RFX7: variants seen among roughly 807,000 people sequenced by gnomAD.
RFX7 encodes the protein DNA-binding protein RFX7.
In RFX7, 26 loss-of-function variants were observed where a neutral mutation model predicts 111.8. That is an observed-to-expected ratio of 0.23 (90% CI 0.17 to 0.32). The LOEUF (loss-of-function observed/expected upper bound fraction) is 0.32, where lower values mean the gene tolerates loss of function less well. RFX7 is among the 10% of genes least tolerant of loss of function. The probability of loss-of-function intolerance (pLI) is 1.00; values close to 1 mark genes in which losing one functional copy is unlikely to be tolerated. For missense variants in RFX7, 1,573 were observed against 1,772.9 expected, an observed-to-expected ratio of 0.89 and a Z score of 2.02; for synonymous variants, 624 against 624.4, an observed-to-expected ratio of 1.00 and a Z score of 0.01.
Position 56,103,058 on chromosome 15 carries a change from T to C in RFX7, c.518+496A>G, listed in dbSNP as rs148624136. Among the ~76,000 whole-genome samples, 476 of 152,104 alleles carry C rather than the reference T, an allele frequency of 3.1e-3. 6 individuals carry two copies. The highest frequency in any genetic ancestry group is 0.02 in the South Asian group (95 of 4,818). ...TTCTGTACTCTGGCTTTAATTTTAA[T>C]ATGGGCTTTAAATGGATGGCTGAAA... On this transcript the variant is annotated intron_variant, in intron 6 of 9. Coordinates refer to ENST00000559447, the MANE Select transcript of RFX7 (RefSeq NM_022841.7).
intron 5 of RFX7, among the ~76,000 whole-genome samples, chr15:56,136,101 T>A (rs1567021945): frequency 6.6e-6 from 1 of 152,178 alleles, no homozygotes; most frequent in Admixed American, 6.5e-5. Flanking sequence ...CGATGCGGGC[T>A]CTTTTTTGGT....
At chr15:56,150,031 T>A (rs2042546376) in intron 3 of RFX7, among the ~76,000 whole-genome samples, 1 of 128,428 alleles carries the variant, frequency 7.8e-6, no homozygotes, top group Middle Eastern at 3.4e-3. Flanking sequence ...GGTCGGGGGG[T>A]TGCGGGGTGG....
intron 3 of RFX7, among the ~76,000 whole-genome samples, chr15:56,176,031 A>G: frequency 6.6e-6 from 1 of 152,170 alleles, no homozygotes; most frequent in South Asian, 2.1e-4. Context: ...CATGGTTAAA[A>G]TAGTAGTGTT....
intron 5 of RFX7, among the ~76,000 whole-genome samples, chr15:56,117,711 G>C (rs926019654): frequency 2.0e-5 from 3 of 152,044 alleles, no homozygotes; most frequent in Non-Finnish European, 4.4e-5. Context: ...CCACATATGA[G>C]TGAGAGCATG....
chr15:56,090,742 G>A lies in RFX7; in HGVS notation c.*2603C>T, dbSNP rs2041586490. 1 of 152,522 alleles carries A rather than the reference G, an allele frequency of 6.6e-6. No individual in the cohort carries two copies. 9.4% of individuals were successfully genotyped at this position (152,522 alleles called of 1,614,324 possible). On this transcript the variant is annotated 3_prime_UTR_variant, in exon 10 of 10. Transcript: ENST00000559447. ...AGGGCTTGTTTTTGTCATTTATCGTGTAGTAAAGCACATTATAGTACAAGA... is the reference window on the plus strand; with the variant it reads ...AGGGCTTGTTTTTGTCATTTATCGTATAGTAAAGCACATTATAGTACAAGA...
intron 2 of RFX7, among the ~76,000 whole-genome samples, chr15:56,222,631 T>C (rs945862125): frequency 2.6e-5 from 4 of 152,196 alleles, no homozygotes; most frequent in Non-Finnish European, 5.9e-5. Context: ...TTTCAGATAT[T>C]ACATTTTTTG....
At chr15:56,105,429 T>C (rs1030542024) in intron 5 of RFX7, among the ~76,000 whole-genome samples, 2 of 152,210 alleles carry the variant, frequency 1.3e-5, no homozygotes, top group African/African-American at 4.8e-5. Context: ...AGTAAGACCA[T>C]CTGTATTTAA....
At chr15:56,125,610 AGTGTGTGTGTGT>A (rs10564650) in intron 5 of RFX7, among the ~76,000 whole-genome samples, 158 of 147,044 alleles carry the variant, frequency 1.1e-3, no homozygotes, top group African/African-American at 2.3e-3. Flanking sequence ...TGTGTGTGTG[AGTGTGTGTGTGT>A]GTGTGTGTGT....
At chr15:56,188,902 G>A (rs935963621) in intron 2 of RFX7, among the ~76,000 whole-genome samples, 3 of 151,948 alleles carry the variant, frequency 2.0e-5, no homozygotes, top group South Asian at 4.1e-4. Flanking sequence ...GTGCGATCTC[G>A]GCTCACTGCA....
intron 5 of RFX7, among the ~76,000 whole-genome samples, chr15:56,132,234 T>C (rs1410416851): frequency 6.6e-6 from 1 of 151,972 alleles, no homozygotes; most frequent in African/African-American, 2.4e-5. Context: ...CGCAACTTCC[T>C]ATAAAAAAAA....
rs535912131 is a variant in RFX7, at chr15:56,216,022, C to T, written c.161+27103G>A. Among the ~76,000 whole-genome samples the T allele has an allele frequency of 2.6e-5, 4 of 152,284 alleles. No homozygotes were observed. In the East Asian group the frequency reaches 7.7e-4, roughly 29 times the overall value. ...ACAATTCAAGAGAGTGAAAATGGAG[C>T]TGCAGTGCCTTTTATGAACTATGTT... On this transcript the variant is annotated intron_variant, in intron 2 of 9. Transcript: ENST00000559447.
At chr15:56,207,221 G>A (rs2043262936) in intron 2 of RFX7, among the ~76,000 whole-genome samples, 2 of 152,158 alleles carry the variant, frequency 1.3e-5, no homozygotes. Flanking sequence ...GGTACCTAGA[G>A]TAGTGAAATT....
chr15:56,133,084 TAAC>T (rs1338624037), intron 5 of RFX7, among the ~76,000 whole-genome samples: 1 of 152,156 alleles, frequency 6.6e-6, no homozygotes, highest in African/African-American at 2.4e-5. Context: ...TATACATTTA[TAAC>T]TATTTGCCCA....
At position 56,198,264 on chromosome 15, in the gene RFX7, T is replaced by C. The variant is rs376395414; in HGVS notation, c.162-18961A>G. ...AACCTGAAGTTCAAAGGTGGAATGC[T>C]GTAGTGGAGGCAGTATAAAAAAGAA... On this transcript the variant is annotated intron_variant, in intron 2 of 9. Transcript: ENST00000559447. 2.0e-5 allele frequency among the ~76,000 whole-genome samples: 3 copies of C among 152,058 alleles called. No homozygotes were observed. The East Asian group carries it at 5.8e-4, about 29-fold the overall frequency.
At chr15:56,213,879 T>C (rs2043336605) in intron 2 of RFX7, among the ~76,000 whole-genome samples, 1 of 152,264 alleles carries the variant, frequency 6.6e-6, no homozygotes, top group South Asian at 2.1e-4. Flanking sequence ...TATTTTATTC[T>C]AGTATTTTTT....
chr15:56,149,997 G>T (rs2042545461), intron 3 of RFX7, among the ~76,000 whole-genome samples: 2 of 140,940 alleles, frequency 1.4e-5, no homozygotes, highest in South Asian at 5.0e-4. Flanking sequence ...AGCAATCTGA[G>T]ATGCACCTGA....
intron 2 of RFX7, among the ~76,000 whole-genome samples, chr15:56,218,379 G>C (rs141230819): frequency 6.6e-6 from 1 of 151,962 alleles, no homozygotes; most frequent in Non-Finnish European, 1.5e-5. Context: ...TGATCTGCCC[G>C]CCTCAGCCTC....
chr15:56,140,489 C>G (rs1354486290), intron 5 of RFX7, among the ~76,000 whole-genome samples: 1 of 152,202 alleles, frequency 6.6e-6, no homozygotes, highest in Non-Finnish European at 1.5e-5. Flanking sequence ...GCACGGTGCA[C>G]GCACCCACTG....
intron 2 of RFX7, among the ~76,000 whole-genome samples, chr15:56,213,028 G>A (rs1490649500): frequency 1.3e-5 from 2 of 152,126 alleles, no homozygotes; most frequent in Non-Finnish European, 2.9e-5. Context: ...CCAAATACTG[G>A]CAAGGATATT....
Sources: gnomAD v4.1 joint callset for allele counts (sites outside exome capture counted in the v4.1 genomes callset) on GRCh38, gnomAD v4.1.1 for gene constraint, MANE v1.5 for transcripts, NCBI Gene and HGNC (gene_info 2026-07-23, HGNC 2026-07-21) for gene names.